DAB2: variants seen among roughly 807,000 people sequenced by gnomAD.
DAB2 encodes DAB adaptor protein 2, also known as disabled homolog 2.
In DAB2, 28 loss-of-function variants were observed where a neutral mutation model predicts 71.6. The ratio of observed to expected loss-of-function variants is 0.39; its 90% CI spans 0.29 to 0.54. The LOEUF is 0.54. Ranked by LOEUF, DAB2 falls within the 20% of genes least tolerant of loss-of-function variation. The pLI, the probability that DAB2 is intolerant of heterozygous loss-of-function variation, is 0.68. For synonymous variants in DAB2, 345 were observed against 339.7 expected, an observed-to-expected ratio of 1.02 and a Z score of -0.17; for missense variants, 867 against 928.8, an observed-to-expected ratio of 0.93 and a Z score of 0.86.
At chr5:39,394,559 G>A (rs1755312034) in intron 1 of DAB2, 138 bp from the exon 2 acceptor site, 2 of 495,900 alleles carry the variant, frequency 4.0e-6, no homozygotes, top group Non-Finnish European at 7.1e-6. Context: ...GTATTAGACT[G>A]AAGACTGAAA....
intron 1 of DAB2, among the ~76,000 whole-genome samples, chr5:39,399,180 G>A (rs1243656403): frequency 6.6e-6 from 1 of 152,130 alleles, no homozygotes; most frequent in Admixed American, 6.5e-5. Context: ...GCACAAGGAG[G>A]AAGTATACAA....
At position 39,382,950 on chromosome 5, in the gene DAB2, T is replaced by C. The variant is rs756199635; in HGVS notation, c.1009A>G (p.Asn337Asp). The C allele has an allele frequency of 6.2e-7, 1 of 1,614,136 alleles. No homozygotes were observed. The highest frequency in any genetic ancestry group is 1.1e-5 in the South Asian group (1 of 91,080). ...TGACCAAAGTAGTCAACATCACCAT[T>C]CAGGGGCCCATTACTCAGCGGAGTA... ...SSTPLSNGPLNGDVDYFGQQF... is the reference protein window; with the variant it reads ...SSTPLSNGPLDGDVDYFGQQF... The change falls in exon 10 of 15, where the codon AAT (asparagine) becomes GAT (aspartate). Residue 337 changes from asparagine to aspartate, a missense_variant. Physicochemically the swap from Asn to Asp is conservative, Grantham distance 23 (BLOSUM62 1). Around this residue, in one of 2 missense-constraint regions of DAB2, gnomAD observed 740 missense variants for 734.3 expected, o/e 1.01. Coordinates refer to ENST00000320816, the MANE Select transcript of DAB2 (RefSeq NM_001343.4).
At chr5:39,413,397 T>C (rs1306586791) in intron 1 of DAB2, among the ~76,000 whole-genome samples, 1 of 152,200 alleles carries the variant, frequency 6.6e-6, no homozygotes, top group Non-Finnish European at 1.5e-5. Flanking sequence ...AAGGCCATTA[T>C]GTCTTACACC....
chr5:39,372,489 C>G lies in DAB2; in HGVS notation c.*942G>C, dbSNP rs1299397049. 1.3e-5 allele frequency: 2 copies of G among 152,180 alleles called. No individual in the cohort carries two copies. Among genetic ancestry groups the G allele is most frequent in the Non-Finnish European group, 2.9e-5 (2 of 68,040 alleles). 9.4% of individuals were successfully genotyped at this position (152,180 alleles called of 1,614,324 possible). ...CAATTTCTCTTGAACATTAACTGCT[C>G]TTCTGGAACTTCAGCTCAAGAGAGT... On this transcript the variant is annotated 3_prime_UTR_variant, in exon 15 of 15. Transcript: ENST00000320816.
intron 5 of DAB2, 145 bp downstream of exon 5, chr5:39,390,299 A>T: frequency 9.6e-7 from 1 of 1,042,672 alleles, no homozygotes; most frequent in Non-Finnish European, 1.4e-6. Flanking sequence ...AAGATTCCAT[A>T]GGCCAATAAA....
intron 1 of DAB2, among the ~76,000 whole-genome samples, chr5:39,401,187 T>G (rs1284295163): frequency 6.6e-6 from 1 of 152,208 alleles, no homozygotes; most frequent in Admixed American, 6.5e-5. Context: ...CACTGAGGAA[T>G]GAGACTATGC....
intron 1 of DAB2, among the ~76,000 whole-genome samples, chr5:39,416,147 T>C (rs563502391): frequency 1.3e-5 from 2 of 152,232 alleles, no homozygotes; most frequent in Admixed American, 1.3e-4. Flanking sequence ...CTATACCACG[T>C]TGTATCATAC....
chr5:39,406,247 C>T (rs1755607974), intron 1 of DAB2, among the ~76,000 whole-genome samples: 2 of 152,116 alleles, frequency 1.3e-5, no homozygotes, highest in South Asian at 4.2e-4. Context: ...GCCAAGCAGA[C>T]TCGGGCAGCA....
chr5:39,412,659 T>C (rs2112102282), intron 1 of DAB2, among the ~76,000 whole-genome samples: 1 of 152,152 alleles, frequency 6.6e-6, no homozygotes, highest in South Asian at 2.1e-4. Context: ...ACACAGAATA[T>C]TAGATTTTTA....
At chr5:39,396,412 G>A (rs750203508) in intron 1 of DAB2, among the ~76,000 whole-genome samples, 2 of 152,148 alleles carry the variant, frequency 1.3e-5, no homozygotes, top group Non-Finnish European at 2.9e-5. Context: ...CTATTTGCTT[G>A]TCTGCCCACA....
chr5:39,399,298 A>G (rs1755445270), intron 1 of DAB2, among the ~76,000 whole-genome samples: 1 of 152,224 alleles, frequency 6.6e-6, no homozygotes, highest in Admixed American at 6.5e-5. Context: ...ATTACAAATG[A>G]AAGCTCAAAA....
chr5:39,389,090 A>G lies in DAB2; in HGVS notation c.570+7T>C, dbSNP rs771339751. 1.2e-6 allele frequency: 2 copies of G among 1,612,626 alleles called. No individual in the cohort carries two copies. Among genetic ancestry groups the G allele is most frequent in the East Asian group, 2.2e-5 (1 of 44,874 alleles). On this transcript the variant is annotated splice_region_variant and intron_variant, in intron 7 of 14. Coordinates refer to ENST00000320816, the MANE Select transcript of DAB2 (RefSeq NM_001343.4). The stretch of plus-strand genomic sequence containing the variant: ...ATGATTAACAAGAAGTAAAGATGCA[A>G]TTTTACCTCAACTGCTTTGCTGGCT...
chr5:39,398,411 T>C (rs1211734695), intron 1 of DAB2, among the ~76,000 whole-genome samples: 2 of 152,214 alleles, frequency 1.3e-5, no homozygotes, highest in East Asian at 1.9e-4. Flanking sequence ...TTTCATAGCA[T>C]TGGAATTGCT....
chr5:39,399,496 C>A (rs1755449002), intron 1 of DAB2, among the ~76,000 whole-genome samples: 1 of 152,164 alleles, frequency 6.6e-6, no homozygotes, highest in Admixed American at 6.5e-5. Flanking sequence ...TCAGATAGAA[C>A]AGAAAGCTGT....
At chr5:39,418,046 G>A (rs1177335919) in intron 1 of DAB2, 1 of 152,092 alleles carries the variant, frequency 6.6e-6, no homozygotes, top group Non-Finnish European at 1.5e-5. Flanking sequence ...CATTTAAGTC[G>A]CTTAATTTTA....
intron 11 of DAB2, among the ~76,000 whole-genome samples, chr5:39,378,393 TG>T (rs1382474502): frequency 6.6e-6 from 1 of 152,256 alleles, no homozygotes; most frequent in Admixed American, 6.5e-5. Flanking sequence ...GAAATCTACT[TG>T]CTTTGAGCTT....
intron 3 of DAB2, 21 bp downstream of exon 3, chr5:39,393,233 A>G: frequency 1.9e-6 from 3 of 1,612,024 alleles, no homozygotes; most frequent in Non-Finnish European, 2.5e-6. Flanking sequence ...TATACAGATA[A>G]AGCATTCATT....
At position 39,388,169 on chromosome 5, in the gene DAB2, A is replaced by T. The variant is rs980845801; in HGVS notation, c.687+136T>A. 50 of 667,104 alleles carry T rather than the reference A, an allele frequency of 7.5e-5. No individual in the cohort carries two copies. The South Asian group carries it at 9.1e-4, about 12-fold the overall frequency. 41.3% of individuals were successfully genotyped at this position (667,104 alleles called of 1,614,324 possible). A position where few individuals can be genotyped will look rare whatever the true frequency, so the allele number is the denominator to read the frequency against. The stretch of plus-strand genomic sequence containing the variant: ...ACTTAAGATTCACATTTATTCTAAA[A>T]ACCATTGACACTTCATTTGCAAAAA... On this transcript the variant is annotated intron_variant, in intron 9 of 14. Transcript: ENST00000320816.
At chr5:39,389,168 A>T (rs865080) in intron 6 of DAB2, 45 bp from the exon 7 acceptor site, 2 of 1,485,556 alleles carry the variant, frequency 1.3e-6, no homozygotes, top group Non-Finnish European at 1.9e-6. Flanking sequence ...ATTCATAGTG[A>T]AAGGGAGTTA....
Sources: allele counts gnomAD v4.1 joint callset (sites outside exome capture counted in the v4.1 genomes callset), GRCh38; gene constraint gnomAD v4.1.1; regional missense constraint gnomAD v4.1.1; transcripts MANE v1.5; gene names NCBI Gene and HGNC (gene_info 2026-07-23, HGNC 2026-07-21).